DNAH17: variants seen among roughly 807,000 people sequenced by gnomAD.
The protein encoded by DNAH17 is axonemal beta dynein heavy chain 17.
Under a neutral mutation model 485.6 loss-of-function variants are expected in DNAH17, and 376 were observed. That is an observed-to-expected ratio of 0.77 (90% CI 0.71 to 0.84). The LOEUF (loss-of-function observed/expected upper bound fraction) is 0.84. Ranked by LOEUF, DNAH17 falls within the 40% of genes least tolerant of loss-of-function variation. The pLI is 0.00. For synonymous variants in DNAH17, 3,031 were observed against 2,405.9 expected, an observed-to-expected ratio of 1.26 and a Z score of -7.60; for missense variants, 6,370 against 5,839.3, an observed-to-expected ratio of 1.09 and a Z score of -2.96.
At chr17:78,548,508 C>T (rs138628007) in intron 16 of DNAH17, among the ~76,000 whole-genome samples, 3 of 152,248 alleles carry the variant, frequency 2.0e-5, no homozygotes, top group African/African-American at 7.2e-5. Flanking sequence ...CCGGCCACGG[C>T]CTTTTTAATT....
chr17:78,541,196 G>T (rs1170862703), intron 17 of DNAH17, among the ~76,000 whole-genome samples: 1 of 14,068 alleles, frequency 7.1e-5, no homozygotes, highest in Non-Finnish European at 1.1e-4. Context: ...GCGGGGTGGG[G>T]GGGTGAGCGG....
chr17:78,530,040 A>T (rs2091188074), intron 21 of DNAH17, among the ~76,000 whole-genome samples: 1 of 152,010 alleles, frequency 6.6e-6, no homozygotes, highest in African/African-American at 2.4e-5. Context: ...CTATAATCCC[A>T]CAGCTGCCAG....
intron 48 of DNAH17, among the ~76,000 whole-genome samples, chr17:78,480,994 G>A (rs374998184): frequency 2.6e-5 from 4 of 151,768 alleles, no homozygotes; most frequent in African/African-American, 9.7e-5. Context: ...ACGGGGTTTC[G>A]CCGTGTTAGC....
intron 63 of DNAH17, 101 bp downstream of exon 63, chr17:78,455,543 T>G: frequency 1.2e-6 from 1 of 862,808 alleles, no homozygotes; most frequent in Non-Finnish European, 1.7e-6. Flanking sequence ...GCCAGGCTGC[T>G]CATGAACTCC....
chr17:78,497,585 G>A (rs375064733), intron 37 of DNAH17, among the ~76,000 whole-genome samples: 14 of 152,236 alleles, frequency 9.2e-5, no homozygotes, highest in African/African-American at 3.4e-4. Context: ...TGTGCTGGGG[G>A]CAAGGGAGAG....
rs759211929 is a variant in DNAH17, at chr17:78,450,812, A to G, written c.10769T>C (p.Ile3590Thr). 2.5e-6 allele frequency: 4 copies of G among 1,613,882 alleles called. No individual in the cohort carries two copies. Among genetic ancestry groups the G allele is most frequent in the Admixed American group, 3.3e-5 (2 of 60,012 alleles). The change falls in exon 67 of 81, where the codon ATT (isoleucine) becomes ACT (threonine). Residue 3590 changes from isoleucine to threonine, a missense_variant. Transcript: ENST00000389840. ...NLTKSQNEFK[I>T]VLKELEDSLL... ...CGAATCTTCCAGCTCTTTCAGAACAATCTTAAATTCGTTTTGAGACTTGGT... is the reference window on the plus strand; with the variant it reads ...CGAATCTTCCAGCTCTTTCAGAACAGTCTTAAATTCGTTTTGAGACTTGGT...
chr17:78,513,978 C>T (rs993211513), intron 26 of DNAH17, among the ~76,000 whole-genome samples: 4 of 152,040 alleles, frequency 2.6e-5, no homozygotes, highest in Non-Finnish European at 5.9e-5. Context: ...GAGAGGGGAG[C>T]GTTCCTGTTA....
Position 78,570,237 on chromosome 17 carries a change from G to A in DNAH17, c.1044+10C>T, listed in dbSNP as rs2092331932. The A allele has an allele frequency of 1.9e-6, 3 of 1,574,904 alleles. No homozygotes were observed. In the South Asian group the frequency reaches 3.5e-5, roughly 18 times the overall value. On this transcript the variant is annotated intron_variant, in intron 7 of 80. Transcript: ENST00000389840. ...GGAGGAAGGGGACCCAGGGGCCAGG[G>A]GAGGGTTACCATCTCGATGATTTGG... is the stretch of plus-strand genomic sequence containing the variant.
chr17:78,489,059 T>G (rs2089735501), intron 44 of DNAH17, among the ~76,000 whole-genome samples: 1 of 152,118 alleles, frequency 6.6e-6, no homozygotes, highest in South Asian at 2.1e-4. Flanking sequence ...TGGAGAATGC[T>G]GTATAAGCAG....
rs557508202 is a variant in DNAH17, at chr17:78,475,777, T to G, written c.8211A>C (p.Gln2737His). 1 of 1,613,930 alleles carries G rather than the reference T, an allele frequency of 6.2e-7. No individual in the cohort carries two copies. Among genetic ancestry groups the G allele is most frequent in the Admixed American group, 1.7e-5 (1 of 60,016 alleles). ...AKPNIFCHFA[Q>H]GIGDPKYVPV... ...GAACATATTTGGGATCGCCAATCCC[T>G]TGAGCAAAGTGGCAGAAGATATTTG... Residue 2737 changes from glutamine to histidine, a missense_variant, in exon 53 of 81, where the codon CAA becomes CAC. Gln to His is a conservative substitution (Grantham distance 24). Transcript: ENST00000389840.
At chr17:78,450,872 TG>T (rs1399581087) in intron 66 of DNAH17, 26 bp from the exon 67 acceptor site, 2 of 1,611,272 alleles carry the variant, frequency 1.2e-6, no homozygotes, top group African/African-American at 2.7e-5. Flanking sequence ...CAGGAGTCAC[TG>T]CATTGCCTGG....
chr17:78,471,864 A>G (rs692308), intron 54 of DNAH17, among the ~76,000 whole-genome samples: 53,318 of 151,778 alleles, frequency 0.35, 12,627 homozygotes, highest in African/African-American at 0.68. Context: ...CCCGCATCCT[A>G]TCCCTGCACT....
At position 78,500,350 on chromosome 17, in the gene DNAH17, G is replaced by A. The variant is rs1369852661; in HGVS notation, c.5595C>T (p.Gly1865=). Residue 1865 remains glycine (G), a synonymous_variant, in exon 36 of 81, where the codon GGC becomes GGT. Transcript: ENST00000389840. The part of the protein sequence containing the change: ...ETTKDLGRAL[G]TMVYVFNCSE... Reference sequence around the variant, plus strand: ...AGCAGTTGAAGACGTAGACCATGGTGCCCAGGGCTCTGCCCAGGTCCTTGG... The same window carrying A: ...AGCAGTTGAAGACGTAGACCATGGTACCCAGGGCTCTGCCCAGGTCCTTGG... The A allele has an allele frequency of 1.2e-6, 2 of 1,612,658 alleles. No individual in the cohort carries two copies. Among genetic ancestry groups the A allele is most frequent in the East Asian group, 2.2e-5 (1 of 44,826 alleles).
intron 28 of DNAH17, 44 bp downstream of exon 28, chr17:78,507,414 A>G (rs751963419): frequency 7.9e-5 from 127 of 1,613,760 alleles, no homozygotes; most frequent in South Asian, 3.3e-4. Flanking sequence ...ATCGCCACAC[A>G]CAGTCATTTC....
In DNAH17 at chr17:78,426,831, C is replaced by T. The variant is rs904492783; in HGVS notation, c.12771+95G>A. Reference sequence around the variant, plus strand: ...GAGAGGGAGCAGTACCATGCTGATCCGGGGCCTGTGCTAGGCCTGGGTTGC... The same window carrying T: ...GAGAGGGAGCAGTACCATGCTGATCTGGGGCCTGTGCTAGGCCTGGGTTGC... On this transcript the variant is annotated intron_variant, in intron 78 of 80. Coordinates refer to ENST00000389840, the MANE Select transcript of DNAH17 (RefSeq NM_173628.4). The T allele has an allele frequency of 1.4e-5, 20 of 1,448,818 alleles. No individual in the cohort carries two copies. In the African/African-American group the frequency reaches 1.8e-4, roughly 13 times the overall value. 89.7% of individuals were successfully genotyped at this position (1,448,818 alleles called of 1,614,324 possible). A position where few individuals can be genotyped will look rare whatever the true frequency, so the allele number is the denominator to read the frequency against.
At chr17:78,491,760 C>G (rs938589072) in intron 42 of DNAH17, among the ~76,000 whole-genome samples, 190 bp from the exon 43 acceptor site, 2 of 152,174 alleles carry the variant, frequency 1.3e-5, no homozygotes, top group African/African-American at 4.8e-5. Flanking sequence ...TCCTACGTGC[C>G]CTCTCCATGC....
At chr17:78,542,693 C>A (rs1256786248) in intron 17 of DNAH17, among the ~76,000 whole-genome samples, 1 of 152,188 alleles carries the variant, frequency 6.6e-6, no homozygotes, top group Non-Finnish European at 1.5e-5. Flanking sequence ...CTGGTAGGGA[C>A]ATAGAGTCAT....
rs114420842 is a variant in DNAH17 at position 78,483,626 on chromosome 17, G to A, written c.7649+1242C>T. ...GCCTGGGCAGCAAGAGCGAAACTCT[G>A]TCTTGGAAATAATAATAATAATAAT... On this transcript the variant is annotated intron_variant, in intron 48 of 80. Transcript: ENST00000389840. Among the ~76,000 whole-genome samples the A allele has an allele frequency of 7.1e-3, 778 of 110,206 alleles. 4 individuals carry two copies. The highest frequency in any genetic ancestry group is 0.026 in the African/African-American group (740 of 28,338). The allele number at this position is 110,206 out of a possible 152,430, so 72.3% of individuals were successfully genotyped here.
rs149255900 is a variant in DNAH17, at chr17:78,561,863, A to G, written c.1687T>C (p.Tyr563His). The G allele has an allele frequency of 3.8e-5, 62 of 1,613,804 alleles. No individual in the cohort carries two copies. Among genetic ancestry groups the G allele is most frequent in the Non-Finnish European group, 5.3e-5 (62 of 1,179,872 alleles). The change falls in exon 12 of 81, where the codon TAC (tyrosine) becomes CAC (histidine). Residue 563 changes from tyrosine (Y) to histidine (H), a missense_variant. Physicochemically the swap from Tyr to His is moderately conservative, Grantham distance 83. Transcript: ENST00000389840. ...DAELDNAKIL[Y>H]DAQMAASEEG... ...TCGGAGGCCGCCATCTGGGCATCGT[A>G]CAAGATCTTAGCATTGTCTAGCTCA...
Sources: gnomAD v4.1 joint callset for allele counts (sites outside exome capture counted in the v4.1 genomes callset) on GRCh38, gnomAD v4.1.1 for gene constraint, MANE v1.5 for transcripts, NCBI Gene and HGNC (gene_info 2026-07-23, HGNC 2026-07-21) for gene names.